The following BTF3L4 variants were observed in gnomAD, a reference collection of about 807,000 sequenced individuals.
The protein encoded by BTF3L4 is transcription factor BTF3 homolog 4.
In BTF3L4, 6 loss-of-function variants were observed where a neutral mutation model predicts 16.8. The ratio of observed to expected loss-of-function variants is 0.36; its 90% CI spans 0.20 to 0.71. BTF3L4 has a LOEUF of 0.71. BTF3L4 is among the 30% of genes least tolerant of loss of function. The probability of loss-of-function intolerance (pLI) is 0.58; values close to 1 mark genes in which losing one functional copy is unlikely to be tolerated. For missense variants in BTF3L4, 92 were observed against 186.9 expected (o/e 0.49, Z 2.96); for synonymous variants, 39 against 59.8 (o/e 0.65, Z 1.60).
At chr1:52,067,526 T>C (rs1686683578) in intron 3 of BTF3L4, among the ~76,000 whole-genome samples, 1 of 152,248 alleles carries the variant, frequency 6.6e-6, no homozygotes, top group Non-Finnish European at 1.5e-5. Context: ...TTCTGAGTTA[T>C]TGAAAGCTTT....
chr1:52,079,922 A>ATCT (rs1190982027), intron 3 of BTF3L4, among the ~76,000 whole-genome samples: 1 of 141,472 alleles, frequency 7.1e-6, no homozygotes, highest in African/African-American at 2.7e-5. Context: ...CCCAGGCTAG[A>ATCT]GTGCAATGGC....
chr1:52,060,026 T>C, intron 2 of BTF3L4, 125 bp downstream of exon 2: 1 of 889,792 alleles, frequency 1.1e-6, no homozygotes, highest in Non-Finnish European at 1.7e-6. Context: ...CACATTCCAA[T>C]TTGAAAATAA....
At position 52,059,825 on chromosome 1, in the gene BTF3L4, C is replaced by T. The variant is rs746798879; in HGVS notation, c.-13-10C>T. Reference sequence around the variant, plus strand: ...GAGTGACTTTAACAAATCTATTTTTCCCCCCCTAGATTTACCAACAGCATG... The same window carrying T: ...GAGTGACTTTAACAAATCTATTTTTTCCCCCCTAGATTTACCAACAGCATG... On this transcript the variant is annotated splice_polypyrimidine_tract_variant and intron_variant, in intron 1 of 5. Coordinates refer to ENST00000313334, the MANE Select transcript of BTF3L4 (RefSeq NM_152265.5). 26 of 1,609,724 alleles carry T rather than the reference C, an allele frequency of 1.6e-5. No individual in the cohort carries two copies. Among genetic ancestry groups the T allele is most frequent in the Middle Eastern group, 1.6e-4 (1 of 6,066 alleles).
At chr1:52,062,922 A>G (rs1305049707) in intron 2 of BTF3L4, among the ~76,000 whole-genome samples, 2 of 40,234 alleles carry the variant, frequency 5.0e-5, no homozygotes, top group Non-Finnish European at 1.1e-4. Context: ...GTTTCCTCGC[A>G]TACGCAGCTC....
At chr1:52,070,659 G>C (rs1359409667) in intron 3 of BTF3L4, among the ~76,000 whole-genome samples, 3 of 146,054 alleles carry the variant, frequency 2.1e-5, no homozygotes, top group Middle Eastern at 3.5e-3. Context: ...TTGGTGGGGG[G>C]ATGGTCTCAC....
chr1:52,079,429 A>G (rs1325113729), intron 3 of BTF3L4, among the ~76,000 whole-genome samples: 1 of 151,546 alleles, frequency 6.6e-6, no homozygotes, highest in Non-Finnish European at 1.5e-5. Context: ...TTTACCTTCT[A>G]GTATTTCTCT....
intron 1 of BTF3L4, among the ~76,000 whole-genome samples, chr1:52,057,435 G>A (rs902073079): frequency 3.9e-5 from 6 of 152,172 alleles, no homozygotes; most frequent in African/African-American, 1.4e-4. Context: ...TCTCCCTTTT[G>A]GGCCTAGGAA....
chr1:52,059,908 G>A lies in BTF3L4; in HGVS notation c.54+7G>A. 2 of 1,609,348 alleles carry A rather than the reference G, an allele frequency of 1.2e-6. No homozygotes were observed. Among genetic ancestry groups the A allele is most frequent in the Non-Finnish European group, 1.7e-6 (2 of 1,177,592 alleles). On this transcript the variant is annotated splice_region_variant and intron_variant, in intron 2 of 5. Transcript: ENST00000313334. ...GGTCCGGATAGGGGGCAAGGTGAGT[G>A]TGGCATAAGAAAAATTGATAGGAGA...
intron 3 of BTF3L4, among the ~76,000 whole-genome samples, chr1:52,071,943 G>C (rs1686798309): frequency 6.8e-6 from 1 of 146,496 alleles, no homozygotes; most frequent in Admixed American, 6.8e-5. Flanking sequence ...GTGTGTGTGT[G>C]TGTGTGTGTG....
chr1:52,073,890 CAG>C (rs1686862879), intron 3 of BTF3L4, among the ~76,000 whole-genome samples: 1 of 151,864 alleles, frequency 6.6e-6, no homozygotes. Context: ...CCCAGCTACT[CAG>C]GGGGCTGAGG....
At chr1:52,077,293 A>G (rs762419569) in intron 3 of BTF3L4, among the ~76,000 whole-genome samples, 3 of 152,324 alleles carry the variant, frequency 2.0e-5, no homozygotes, top group Middle Eastern at 3.4e-3. Flanking sequence ...TGTAATCACA[A>G]CACTTTGGGA....
chr1:52,078,964 G>A (rs1015356701), intron 3 of BTF3L4, among the ~76,000 whole-genome samples: 2 of 152,010 alleles, frequency 1.3e-5, no homozygotes, highest in South Asian at 2.1e-4. Flanking sequence ...TTCTTATATT[G>A]TACATATATT....
In BTF3L4 at chr1:52,075,130, G is replaced by C. The variant is rs141249168; in HGVS notation, c.169-8210G>C. 4.8e-3 allele frequency among the ~76,000 whole-genome samples: 728 copies of C among 152,060 alleles called. 13 individuals carry two copies. In the South Asian group the frequency reaches 0.054, roughly 11 times the overall value. Reference sequence around the variant, plus strand: ...CATTAAAAAAACTCCTTTTAATCATGTGTAGGTATCTACATACATTCCAGT... The same window carrying C: ...CATTAAAAAAACTCCTTTTAATCATCTGTAGGTATCTACATACATTCCAGT... On this transcript the variant is annotated intron_variant, in intron 3 of 5. Coordinates refer to ENST00000313334, the MANE Select transcript of BTF3L4 (RefSeq NM_152265.5).
At chr1:52,070,154 T>C (rs1181572456) in intron 3 of BTF3L4, among the ~76,000 whole-genome samples, 1 of 151,426 alleles carries the variant, frequency 6.6e-6, no homozygotes, top group East Asian at 1.9e-4. Flanking sequence ...GAAGCAGAGG[T>C]TGCAGTGAGC....
chr1:52,066,507 C>T (rs549527762), intron 3 of BTF3L4, among the ~76,000 whole-genome samples: 37 of 150,542 alleles, frequency 2.5e-4, no homozygotes, highest in African/African-American at 8.7e-4. Flanking sequence ...CAGCCAGTTC[C>T]ATCTGTGATG....
At chr1:52,059,793 G>T in intron 1 of BTF3L4, 42 bp from the exon 2 acceptor site, 3 of 1,585,884 alleles carry the variant, frequency 1.9e-6, no homozygotes, top group South Asian at 1.1e-5. Flanking sequence ...TGTTAATTTC[G>T]GCAAAAGAGT....
chr1:52,066,841 A>G (rs1235275434), intron 3 of BTF3L4, among the ~76,000 whole-genome samples: 3 of 151,784 alleles, frequency 2.0e-5, no homozygotes, highest in Non-Finnish European at 2.9e-5. Context: ...GCGAGACTCC[A>G]TCTCAAAAAA....
chr1:52,057,345 T>A (rs1686395251), intron 1 of BTF3L4, among the ~76,000 whole-genome samples: 1 of 152,222 alleles, frequency 6.6e-6, no homozygotes, highest in Non-Finnish European at 1.5e-5. Flanking sequence ...CACCCTTTCT[T>A]GAGTCCTTGA....
At chr1:52,063,973 A>G (rs1306735018) in intron 2 of BTF3L4, among the ~76,000 whole-genome samples, 2 of 152,228 alleles carry the variant, frequency 1.3e-5, no homozygotes, top group Non-Finnish European at 2.9e-5. Context: ...AGTCACTCCC[A>G]TGCTTAAAAC....
Sources: gnomAD v4.1 joint callset for allele counts (sites outside exome capture counted in the v4.1 genomes callset) on GRCh38, gnomAD v4.1.1 for gene constraint, MANE v1.5 for transcripts, NCBI Gene and HGNC (gene_info 2026-07-23, HGNC 2026-07-21) for gene names.